Variants in RAN observed in about 807,000 individuals in gnomAD.
RAN encodes the protein RAN, member RAS oncogene family, also known as GTP-binding nuclear protein Ran.
A neutral mutation model predicts 26.8 loss-of-function variants in RAN; 2 were observed. The ratio of observed to expected loss-of-function variants is 0.07; its 90% CI spans 0.03 to 0.23. RAN has a LOEUF of 0.23. Ranked by LOEUF, RAN falls within the 10% of genes least tolerant of loss-of-function variation. RAN has a pLI of 1.00. For missense variants in RAN, 56 were observed against 264.8 expected (o/e 0.21, Z 5.47); for synonymous variants, 132 against 95.9 (o/e 1.38, Z -2.20).
In RAN at chr12:130,872,830, C is replaced by T; in HGVS notation, c.37-6C>T. The T allele has an allele frequency of 6.2e-7, 1 of 1,614,126 alleles. No individual in the cohort carries two copies. The highest frequency in any genetic ancestry group is 1.1e-5 in the South Asian group (1 of 91,064). ...GGGTTTACTTCCAAAATGTGTTTTT[C>T]AACAGCTTGTATTGGTTGGTGATGG... is the stretch of plus-strand genomic sequence containing the variant. On this transcript the variant is annotated splice_region_variant and splice_polypyrimidine_tract_variant and intron_variant, in intron 2 of 6. Coordinates refer to ENST00000543796, the MANE Select transcript of RAN (RefSeq NM_006325.5).
chr12:130,873,413 T>C, intron 4 of RAN: 2 of 338,530 alleles, frequency 5.9e-6, no homozygotes, highest in South Asian at 5.8e-5. Context: ...AACAGCAGTT[T>C]CAGTATTTGG....
intron 4 of RAN, chr12:130,873,464 G>C (rs1166953242): frequency 7.2e-6 from 2 of 278,546 alleles, no homozygotes; most frequent in African/African-American, 4.4e-5. Flanking sequence ...GGTGATCAAT[G>C]AATGTTTTTA....
Position 130,877,610 on chromosome 12 carries a change from G to C in RAN, c.*1684G>C, listed in dbSNP as rs541847334. The C allele has an allele frequency of 2.0e-5, 3 of 152,216 alleles. No homozygotes were observed. Among genetic ancestry groups the C allele is most frequent in the Non-Finnish European group, 4.4e-5 (3 of 68,038 alleles). 9.4% of individuals were successfully genotyped at this position (152,216 alleles called of 1,614,324 possible). A position where few individuals can be genotyped will look rare whatever the true frequency, so the allele number is the denominator to read the frequency against. ...CACTTACCTGTCTAACGTGGTGTGG[G>C]AGAGAATTTACAAGTCCTTTATTGA... is the stretch of plus-strand genomic sequence containing the variant. On this transcript the variant is annotated 3_prime_UTR_variant, in exon 7 of 7. Transcript: ENST00000543796.
At chr12:130,874,422 GGA>G in intron 4 of RAN, 122 bp from the exon 5 acceptor site, 1 of 667,422 alleles carries the variant, frequency 1.5e-6, no homozygotes, top group South Asian at 2.3e-5. Flanking sequence ...GAAAGTGAGG[GGA>G]GAGATACAGG....
intron 1 of RAN, 115 bp downstream of exon 1, chr12:130,872,241 G>C (rs1362461602): frequency 6.4e-6 from 1 of 155,048 alleles, no homozygotes; most frequent in African/African-American, 2.4e-5. Flanking sequence ...GGGGCAGCGG[G>C]CGGCTGAGTA....
At position 130,876,164 on chromosome 12, in the gene RAN, T is replaced by A. The variant is rs1953236125; in HGVS notation, c.*238T>A. ...TGGAACGCAGTTGATTCCTTGAGTT[T>A]CATATATAAGACTGCTGCAGTCACA... On this transcript the variant is annotated 3_prime_UTR_variant, in exon 7 of 7. Transcript: ENST00000543796. 4 of 560,576 alleles carry A rather than the reference T, an allele frequency of 7.1e-6. No individual in the cohort carries two copies. In the East Asian group the frequency reaches 1.2e-4, roughly 17 times the overall value. The allele number at this position is 560,576 out of a possible 1,614,324, so 34.7% of individuals were successfully genotyped here.
Position 130,872,079 on chromosome 12 carries a change from G to T in RAN, c.-58G>T. On this transcript the variant is annotated 5_prime_UTR_variant, in exon 1 of 7. Coordinates refer to ENST00000543796, the MANE Select transcript of RAN (RefSeq NM_006325.5). ...TCTCCGGCGTTTGAATTGCGCTTCCGCCATCTTTCCAGCCTCAGTCGGACG... is the reference window on the plus strand; with the variant it reads ...TCTCCGGCGTTTGAATTGCGCTTCCTCCATCTTTCCAGCCTCAGTCGGACG... The T allele has an allele frequency of 3.0e-6, 1 of 328,908 alleles. No homozygotes were observed. Among genetic ancestry groups the T allele is most frequent in the South Asian group, 2.2e-5 (1 of 46,464 alleles). The allele number at this position is 328,908 out of a possible 1,614,324, so 20.4% of individuals were successfully genotyped here.
In RAN at chr12:130,872,644, G is replaced by C. The variant is rs1208524140; in HGVS notation, c.36+15G>C. 3.9e-6 allele frequency: 6 copies of C among 1,522,828 alleles called. No homozygotes were observed. The highest frequency in any genetic ancestry group is 5.3e-6 in the Non-Finnish European group (6 of 1,138,646). The allele number at this position is 1,522,828 out of a possible 1,614,324, so 94.3% of individuals were successfully genotyped here. A position where few individuals can be genotyped will look rare whatever the true frequency, so the allele number is the denominator to read the frequency against. ...TCCAGTTCAAAGTAGGTAACCCTGCGGGGCGGGAGGCGGCCGAGCCCGACC... is the reference window on the plus strand; with the variant it reads ...TCCAGTTCAAAGTAGGTAACCCTGCCGGGCGGGAGGCGGCCGAGCCCGACC... On this transcript the variant is annotated intron_variant, in intron 2 of 6. Coordinates refer to ENST00000543796, the MANE Select transcript of RAN (RefSeq NM_006325.5).
intron 4 of RAN, chr12:130,873,392 A>ATAT: frequency 2.6e-6 from 1 of 390,146 alleles, no homozygotes; most frequent in Non-Finnish European, 4.7e-6. Flanking sequence ...TTAAAACAAT[A>ATAT]ATAGGCTGTT....
At chr12:130,874,288 T>G (rs1273746203) in intron 4 of RAN, 1 of 405,196 alleles carries the variant, frequency 2.5e-6, no homozygotes, top group Non-Finnish European at 4.4e-6. Flanking sequence ...ATTAATTACT[T>G]CAGATACTTT....
chr12:130,876,109 CATTGT>C lies in RAN; in HGVS notation c.*184_*188del. 3 of 653,494 alleles carry C rather than the reference CATTGT, an allele frequency of 4.6e-6. No individual in the cohort carries two copies. The East Asian group carries it at 8.3e-5, about 18-fold the overall frequency. The allele number at this position is 653,494 out of a possible 1,614,324, so 40.5% of individuals were successfully genotyped here. ...AATGTGGCAGTTTAAAAAATAACTT[CATTGT>C]TTGGACCTGCATATTTAGCTGTTTT... On this transcript the variant is annotated 3_prime_UTR_variant, in exon 7 of 7. Coordinates refer to ENST00000543796, the MANE Select transcript of RAN (RefSeq NM_006325.5).
At position 130,872,689 on chromosome 12, in the gene RAN, C is replaced by T. The variant is rs1953161109; in HGVS notation, c.36+60C>T. 3 of 1,538,680 alleles carry T rather than the reference C, an allele frequency of 1.9e-6. No individual in the cohort carries two copies. In the African/African-American group the frequency reaches 4.1e-5, roughly 21 times the overall value. On this transcript the variant is annotated intron_variant, in intron 2 of 6. Coordinates refer to ENST00000543796, the MANE Select transcript of RAN (RefSeq NM_006325.5). ...CCGACCGCGTGCGACTCGCGGGTCCCTCCTCCTGGGGCCACGATGGCTGTA... is the reference window on the plus strand; with the variant it reads ...CCGACCGCGTGCGACTCGCGGGTCCTTCCTCCTGGGGCCACGATGGCTGTA...
chr12:130,875,277 A>C (rs1021654213), intron 5 of RAN, among the ~76,000 whole-genome samples: 1 of 152,078 alleles, frequency 6.6e-6, no homozygotes, highest in African/African-American at 2.4e-5. Flanking sequence ...GCAGGAGTGC[A>C]GTGGCATGAA....
Position 130,874,531 on chromosome 12 carries a change from C to T in RAN, c.248-15C>T, listed in dbSNP as rs1342354848. 3.2e-6 allele frequency: 5 copies of T among 1,547,126 alleles called. No individual in the cohort carries two copies. The highest frequency in any genetic ancestry group is 4.4e-6 in the Non-Finnish European group (5 of 1,126,734). ...AGTAAACTGAGTGTACTAATTCCCA[C>T]AAATGTTTCTTCAGCCCAGTGTGCC... On this transcript the variant is annotated splice_polypyrimidine_tract_variant and intron_variant, in intron 4 of 6. Transcript: ENST00000543796.
rs200079010 is a variant in RAN, at chr12:130,875,349, GT to G, written c.436-262del. Among the ~76,000 whole-genome samples, 81 of 152,032 alleles carry G rather than the reference GT, an allele frequency of 5.3e-4. 1 individual carries two copies. The East Asian group carries it at 0.014, about 26-fold the overall frequency. On this transcript the variant is annotated intron_variant, in intron 5 of 6. Coordinates refer to ENST00000543796, the MANE Select transcript of RAN (RefSeq NM_006325.5). Reference sequence around the variant, plus strand: ...CAATCCTCCCACCTCAGCCTTCTGAGTAGCTGGGCTCACAGGCACTCACCAC... The same window carrying G: ...CAATCCTCCCACCTCAGCCTTCTGAGAGCTGGGCTCACAGGCACTCACCAC...
chr12:130,874,897 A>G (rs182330991), intron 5 of RAN, among the ~76,000 whole-genome samples, 164 bp downstream of exon 5: 26 of 152,178 alleles, frequency 1.7e-4, no homozygotes, highest in Admixed American at 2.6e-4. Context: ...ATCTTGGCTC[A>G]CTGCGACCTC....
chr12:130,873,182 C>T, intron 4 of RAN, 54 bp downstream of exon 4: 6 of 1,608,160 alleles, frequency 3.7e-6, no homozygotes, highest in South Asian at 1.1e-5. Flanking sequence ...GTACTTCAGT[C>T]TTCAAGGTTA....
Position 130,872,993 on chromosome 12 carries a change from T to G in RAN, c.122-10T>G. ...AGTTCATCCACTCAATCGCATCGTT[T>G]CCGTTTCAGCCACCTTGGGTGTTGA... On this transcript the variant is annotated splice_polypyrimidine_tract_variant and intron_variant, in intron 3 of 6. Transcript: ENST00000543796. 1 of 1,614,240 alleles carries G rather than the reference T, an allele frequency of 6.2e-7. No individual in the cohort carries two copies. Among genetic ancestry groups the G allele is most frequent in the Non-Finnish European group, 8.5e-7 (1 of 1,180,034 alleles).
At position 130,877,391 on chromosome 12, in the gene RAN, ATGTTACGC is replaced by A. The variant is rs1953267944; in HGVS notation, c.*1469_*1476del. The A allele has an allele frequency of 6.6e-6, 1 of 152,270 alleles. No individual in the cohort carries two copies. The highest frequency in any genetic ancestry group is 1.5e-5 in the Non-Finnish European group (1 of 68,046). 9.4% of individuals were successfully genotyped at this position (152,270 alleles called of 1,614,324 possible). A position where few individuals can be genotyped will look rare whatever the true frequency, so the allele number is the denominator to read the frequency against. ...TTTCTTAAGATCTGAATTGCTGTGT[ATGTTACGC>A]TGTATTCAGAACCAGTTTCTAACCA... On this transcript the variant is annotated 3_prime_UTR_variant, in exon 7 of 7. Coordinates refer to ENST00000543796, the MANE Select transcript of RAN (RefSeq NM_006325.5).
Sources: gnomAD v4.1 joint callset for allele counts (sites outside exome capture counted in the v4.1 genomes callset) on GRCh38, gnomAD v4.1.1 for gene constraint, MANE v1.5 for transcripts, NCBI Gene and HGNC (gene_info 2026-07-23, HGNC 2026-07-21) for gene names.